BCAS3: variants seen among roughly 807,000 people sequenced by gnomAD.
BCAS3 encodes the protein BCAS3 microtubule associated cell migration factor.
In BCAS3, 53 loss-of-function variants were observed where a neutral mutation model predicts 116.1. That is an observed-to-expected ratio of 0.46 (90% CI 0.37 to 0.57). The LOEUF (loss-of-function observed/expected upper bound fraction) is 0.57. Ranked by LOEUF, BCAS3 falls within the 20% of genes least tolerant of loss-of-function variation. The pLI, the probability that BCAS3 is intolerant of heterozygous loss-of-function variation, is 0.00. For missense variants in BCAS3, 917 were observed against 1,165.4 expected (o/e 0.79, Z 3.10); for synonymous variants, 391 against 408.2 (o/e 0.96, Z 0.51).
intron 15 of BCAS3, among the ~76,000 whole-genome samples, chr17:61,005,291 CT>C (rs1040155545): frequency 2.0e-5 from 3 of 150,638 alleles, no homozygotes; most frequent in East Asian, 1.9e-4. Flanking sequence ...TTTTCTTTTT[CT>C]TTTTTTTTGG....
chr17:61,031,220 G>C (rs2145586668), intron 16 of BCAS3, among the ~76,000 whole-genome samples: 1 of 151,976 alleles, frequency 6.6e-6, no homozygotes, highest in Non-Finnish European at 1.5e-5. Flanking sequence ...TTCCTATGAG[G>C]GTTGGGTCAG....
intron 22 of BCAS3, among the ~76,000 whole-genome samples, chr17:61,322,816 GAGAGAGAGAGAGAC>G (rs2055364386): frequency 6.9e-5 from 9 of 129,872 alleles, no homozygotes; most frequent in African/African-American, 2.2e-4. Flanking sequence ...GAGAGAGAGA[GAGAGAGAGAGAGAC>G]AGAGAGAGAG....
intron 5 of BCAS3, among the ~76,000 whole-genome samples, chr17:60,731,964 G>C (rs931460272): frequency 3.3e-5 from 5 of 151,824 alleles, no homozygotes; most frequent in Non-Finnish European, 7.4e-5. Flanking sequence ...TAGTAGAGAT[G>C]GGGTTTCGCG....
intron 22 of BCAS3, among the ~76,000 whole-genome samples, chr17:61,158,808 C>T (rs1258564429): frequency 3.9e-5 from 6 of 151,956 alleles, no homozygotes; most frequent in Admixed American, 6.6e-5. Context: ...AGATACTAAC[C>T]GAAATGCAAA....
chr17:61,338,069 C>T (rs2056862251), intron 22 of BCAS3, among the ~76,000 whole-genome samples: 1 of 152,126 alleles, frequency 6.6e-6, no homozygotes, highest in Non-Finnish European at 1.5e-5. Flanking sequence ...ACCCTGGGCC[C>T]GGCTTATGTT....
At chr17:60,822,473 G>A (rs968820933) in intron 7 of BCAS3, among the ~76,000 whole-genome samples, 5 of 152,122 alleles carry the variant, frequency 3.3e-5, no homozygotes, top group Admixed American at 6.5e-5. Context: ...CTTACCTCAC[G>A]TAAGCTCTTG....
chr17:60,727,478 A>G, intron 5 of BCAS3: 1 of 1,536,930 alleles, frequency 6.5e-7, no homozygotes, highest in Middle Eastern at 1.8e-4. Flanking sequence ...AGGTACGTTG[A>G]CCATCTTTGC....
In BCAS3 at chr17:61,332,292, G is replaced by A. The variant is rs1232038300; in HGVS notation, c.2426-36035G>A. On this transcript the variant is annotated intron_variant, in intron 22 of 23. Transcript: ENST00000407086. This position sits in a 1 kb window ranked among gnomAD's most constrained non-coding sequence, Gnocchi z 5.4. ...GTCTTACTAGGACAGCAGGCTTAAG[G>A]TATGCCCAGCGCTCAGACACCTAGT... 6.6e-6 allele frequency among the ~76,000 whole-genome samples: 1 copy of A among 152,148 alleles called. No individual in the cohort carries two copies. Among genetic ancestry groups the A allele is most frequent in the Non-Finnish European group, 1.5e-5 (1 of 68,018 alleles).
rs1048450857 is a variant in BCAS3, at chr17:61,213,404, G to A, written c.2425+128840G>A. ...AGGCTGGTCTTGAACTCCTGACCTCGTGATCCACCCGCCTCGACTTCCCAA... is the reference window on the plus strand; with the variant it reads ...AGGCTGGTCTTGAACTCCTGACCTCATGATCCACCCGCCTCGACTTCCCAA... On this transcript the variant is annotated intron_variant, in intron 22 of 23. Transcript: ENST00000407086. This position sits in a 1 kb window ranked among gnomAD's most constrained non-coding sequence, Gnocchi z 5.4. 5.3e-5 allele frequency among the ~76,000 whole-genome samples: 8 copies of A among 151,896 alleles called. No homozygotes were observed. Among genetic ancestry groups the A allele is most frequent in the Non-Finnish European group, 8.8e-5 (6 of 67,956 alleles).
intron 22 of BCAS3, among the ~76,000 whole-genome samples, chr17:61,331,238 C>T (rs1158039466): frequency 6.6e-6 from 1 of 152,176 alleles, no homozygotes; most frequent in Admixed American, 6.5e-5. Flanking sequence ...GGCTTTTTGG[C>T]TGGACAGTTG....
intron 14 of BCAS3, among the ~76,000 whole-genome samples, chr17:60,981,894 A>G (rs2062837422): frequency 6.6e-6 from 1 of 152,196 alleles, no homozygotes; most frequent in South Asian, 2.1e-4. Context: ...AAGCTTATAT[A>G]TGGCTTTATA....
chr17:61,005,632 A>T (rs545246772), intron 15 of BCAS3, among the ~76,000 whole-genome samples: 1 of 151,990 alleles, frequency 6.6e-6, no homozygotes, highest in Non-Finnish European at 1.5e-5. Flanking sequence ...TCATGGGTAA[A>T]AAGAAGGAAG....
intron 15 of BCAS3, among the ~76,000 whole-genome samples, chr17:61,002,387 T>C (rs1163823871): frequency 6.6e-6 from 1 of 152,132 alleles, no homozygotes; most frequent in Non-Finnish European, 1.5e-5. Flanking sequence ...ATGTATTTTT[T>C]ACATGGGCAA....
Position 61,220,673 on chromosome 17 carries a change from G to A in BCAS3, c.2425+136109G>A, listed in dbSNP as rs1305352307. 6.6e-6 allele frequency among the ~76,000 whole-genome samples: 1 copy of A among 152,000 alleles called. No homozygotes were observed. The highest frequency in any genetic ancestry group is 1.5e-5 in the Non-Finnish European group (1 of 68,022). On this transcript the variant is annotated intron_variant, in intron 22 of 23. Coordinates refer to ENST00000407086, the MANE Select transcript of BCAS3 (RefSeq NM_017679.5). The surrounding 1 kb of genome is among the most constrained non-coding windows in gnomAD (Gnocchi z 4.5). Reference sequence around the variant, plus strand: ...GATCTCTACACCCAGTGACAACAGGGTACTCAAAAGGGAACTAGTGGTAAG... The same window carrying A: ...GATCTCTACACCCAGTGACAACAGGATACTCAAAAGGGAACTAGTGGTAAG...
intron 22 of BCAS3, among the ~76,000 whole-genome samples, chr17:61,338,652 G>T (rs139340677): frequency 6.6e-6 from 1 of 152,230 alleles, no homozygotes; most frequent in African/African-American, 2.4e-5. Flanking sequence ...GCCAAAGCCA[G>T]CCTGGAAGAA....
chr17:60,735,968 A>G (rs2040914933), intron 5 of BCAS3, among the ~76,000 whole-genome samples: 1 of 152,146 alleles, frequency 6.6e-6, no homozygotes, highest in Non-Finnish European at 1.5e-5. Flanking sequence ...GAGCTATTAC[A>G]TTAAGTGAGC....
rs147536295 is a variant in BCAS3, at chr17:60,708,449, A to G, written c.215-770A>G. ...TCATAGCTCACCACAGCCTTGAATTATTTTGCTTAAAGGCTCCTTCCACTT... is the reference window on the plus strand; with the variant it reads ...TCATAGCTCACCACAGCCTTGAATTGTTTTGCTTAAAGGCTCCTTCCACTT... On this transcript the variant is annotated intron_variant, in intron 4 of 23. Transcript: ENST00000407086. Among the ~76,000 whole-genome samples, 707 of 151,920 alleles carry G rather than the reference A, an allele frequency of 4.7e-3. 9 individuals are homozygous for G. The highest frequency in any genetic ancestry group is 3.6e-3 in the Non-Finnish European group (245 of 67,986).
In BCAS3 at chr17:61,008,769, A is replaced by G. The variant is rs962011756; in HGVS notation, c.1487-6982A>G. On this transcript the variant is annotated intron_variant, in intron 15 of 23. Coordinates refer to ENST00000407086, the MANE Select transcript of BCAS3 (RefSeq NM_017679.5). This position sits in a 1 kb window ranked among gnomAD's most constrained non-coding sequence, Gnocchi z 4.6. ...TTTTTATTTTTGAAAGATATGATAT[A>G]GGGAATAGAACATCTACATGATGTC... Among the ~76,000 whole-genome samples the G allele has an allele frequency of 2.0e-5, 3 of 152,084 alleles. No homozygotes were observed. The highest frequency in any genetic ancestry group is 4.4e-5 in the Non-Finnish European group (3 of 67,976).
intron 15 of BCAS3, among the ~76,000 whole-genome samples, chr17:61,014,106 G>A (rs2065283034): frequency 6.6e-6 from 1 of 152,050 alleles, no homozygotes; most frequent in Admixed American, 6.6e-5. Flanking sequence ...TGTGTTTACT[G>A]TGGTTATTTA....
Sources: allele counts gnomAD v4.1 joint callset (sites outside exome capture counted in the v4.1 genomes callset), GRCh38; gene constraint gnomAD v4.1.1; non-coding constraint Gnocchi (gnomAD v3.1); transcripts MANE v1.5; gene names NCBI Gene and HGNC (gene_info 2026-07-23, HGNC 2026-07-21).